The following SYCP1 variants were observed in gnomAD, a reference collection of about 807,000 sequenced individuals.
SYCP1 encodes the protein synaptonemal complex protein 1, also known as cancer/testis antigen 8.
A neutral mutation model predicts 153.1 loss-of-function variants in SYCP1; 64 were observed. The observed-to-expected ratio is 0.42, with a 90% confidence interval of 0.34 to 0.51. The LOEUF (loss-of-function observed/expected upper bound fraction) is 0.51, where lower values mean the gene tolerates loss of function less well. Ranked by LOEUF, SYCP1 falls within the 20% of genes least tolerant of loss-of-function variation. The pLI is 0.06. For synonymous variants in SYCP1, 384 were observed against 341.8 expected, an observed-to-expected ratio of 1.12 and a Z score of -1.36; for missense variants, 997 against 1,049.0, an observed-to-expected ratio of 0.95 and a Z score of 0.68.
At chr1:114,923,093 T>C (rs898908633) in intron 20 of SYCP1, among the ~76,000 whole-genome samples, 5 of 152,202 alleles carry the variant, frequency 3.3e-5, no homozygotes, top group African/African-American at 1.2e-4. Context: ...TTGCTTTGTA[T>C]TTTGATATTT....
At position 114,981,369 on chromosome 1, in the gene SYCP1, A is replaced by T. The variant is rs749005243; in HGVS notation, c.2416A>T (p.Ile806Phe). Residue 806 changes from isoleucine to phenylalanine, a missense_variant, in exon 29 of 32, where the codon ATT becomes TTT. Ile to Phe is a conservative substitution (Grantham distance 21). Around this residue, in one of 2 missense-constraint regions of SYCP1, gnomAD observed 712 missense variants for 682.9 expected, o/e 1.04. Coordinates refer to ENST00000369522, the MANE Select transcript of SYCP1 (RefSeq NM_003176.4). ...TQTFLLETPE[I>F]YWKLDSKAVP... is the part of the protein sequence containing the mutation. The stretch of plus-strand genomic sequence containing the variant: ...AACATTTTTATTGGAAACACCTGAA[A>T]TTTATTGGAAATTGGATTCTAAAGC... The T allele has an allele frequency of 1.9e-6, 3 of 1,600,316 alleles. No homozygotes were observed. The highest frequency in any genetic ancestry group is 2.6e-6 in the Non-Finnish European group (3 of 1,175,816).
chr1:114,977,802 C>A, intron 28 of SYCP1, 186 bp downstream of exon 28: 1 of 368,540 alleles, frequency 2.7e-6, no homozygotes, highest in Non-Finnish European at 4.9e-6. Context: ...AAAATTTTGT[C>A]ATTTGGAGAT....
At chr1:114,975,367 T>C (rs1320914067) in intron 27 of SYCP1, among the ~76,000 whole-genome samples, 1 of 151,390 alleles carries the variant, frequency 6.6e-6, no homozygotes, top group Admixed American at 6.6e-5. Context: ...TGTCTTACTT[T>C]GGTTGATTTG....
chr1:114,989,375 G>A (rs1673758120), intron 30 of SYCP1, among the ~76,000 whole-genome samples: 1 of 150,946 alleles, frequency 6.6e-6, no homozygotes, highest in Non-Finnish European at 1.5e-5. Context: ...AATGGAATCA[G>A]AATGTTCAAG....
Position 114,910,418 on chromosome 1 carries a change from T to A in SYCP1, c.1342T>A (p.Tyr448Asn), listed in dbSNP as rs1430064570. The change falls in exon 17 of 32, where the codon TAT becomes AAT. Residue 448 changes from tyrosine (Y) to asparagine (N), a missense_variant. Coordinates refer to ENST00000369522, the MANE Select transcript of SYCP1 (RefSeq NM_003176.4). ...KVLGEKETLL[Y>N]ENKQFEKIAE... ...ATAGGGAGAAAAGGAAACACTTTTATATGAAAATAAACAATTTGAGAAGAT... is the reference window on the plus strand; with the variant it reads ...ATAGGGAGAAAAGGAAACACTTTTAAATGAAAATAAACAATTTGAGAAGAT... 6.3e-7 allele frequency: 1 copy of A among 1,598,718 alleles called. No individual in the cohort carries two copies. The highest frequency in any genetic ancestry group is 1.7e-5 in the Admixed American group (1 of 57,926).
At chr1:114,935,380 C>T (rs542453762) in intron 23 of SYCP1, among the ~76,000 whole-genome samples, 1 of 152,258 alleles carries the variant, frequency 6.6e-6, no homozygotes, top group South Asian at 2.1e-4. Context: ...CACAACATAC[C>T]AGAATCTCTG....
rs141113696 is a variant in SYCP1 at position 114,877,996 on chromosome 1, G to C, written c.802-98G>C. Reference sequence around the variant, plus strand: ...GAGGGTTAAGTGGACCAGCTGAAAAGCATGTAGACAAGTACATAAAATAAT... The same window carrying C: ...GAGGGTTAAGTGGACCAGCTGAAAACCATGTAGACAAGTACATAAAATAAT... On this transcript the variant is annotated intron_variant, in intron 11 of 31. Coordinates refer to ENST00000369522, the MANE Select transcript of SYCP1 (RefSeq NM_003176.4). 31 of 715,026 alleles carry C rather than the reference G, an allele frequency of 4.3e-5. No homozygotes were observed. In the African/African-American group the frequency reaches 4.7e-4, roughly 11 times the overall value. The allele number at this position is 715,026 out of a possible 1,614,324, so 44.3% of individuals were successfully genotyped here. A position where few individuals can be genotyped will look rare whatever the true frequency, so the allele number is the denominator to read the frequency against.
chr1:114,907,968 C>G (rs1248789046), intron 16 of SYCP1, among the ~76,000 whole-genome samples: 1 of 152,018 alleles, frequency 6.6e-6, no homozygotes, highest in Non-Finnish European at 1.5e-5. Context: ...TTTTAAATAA[C>G]TTGAAGAAAA....
chr1:114,865,786 A>G (rs1664704661), intron 8 of SYCP1, among the ~76,000 whole-genome samples: 1 of 152,118 alleles, frequency 6.6e-6, no homozygotes, highest in African/African-American at 2.4e-5. Context: ...GTCCGCCATT[A>G]TAGTATAATA....
intron 23 of SYCP1, among the ~76,000 whole-genome samples, chr1:114,936,273 A>G (rs1051999838): frequency 6.6e-6 from 1 of 152,222 alleles, no homozygotes; most frequent in African/African-American, 2.4e-5. Flanking sequence ...AACGTAATCC[A>G]TCACATAAAC....
At chr1:114,928,432 T>C (rs1266659467) in intron 23 of SYCP1, among the ~76,000 whole-genome samples, 1 of 152,092 alleles carries the variant, frequency 6.6e-6, no homozygotes, top group Non-Finnish European at 1.5e-5. Context: ...GAATTCTGTA[T>C]GCAGCAAAAA....
chr1:114,871,561 TTTTGTTTG>T (rs770983391), intron 8 of SYCP1, among the ~76,000 whole-genome samples: 24 of 152,100 alleles, frequency 1.6e-4, no homozygotes, highest in Non-Finnish European at 3.2e-4. Flanking sequence ...GTTGCTATTT[TTTTGTTTG>T]TTTGTCTGTT....
At chr1:114,982,504 C>A (rs1406199469) in intron 29 of SYCP1, among the ~76,000 whole-genome samples, 1 of 151,628 alleles carries the variant, frequency 6.6e-6, no homozygotes, top group South Asian at 2.1e-4. Flanking sequence ...TTGAGCCCTT[C>A]TAGTAAATTT....
intron 25 of SYCP1, 95 bp downstream of exon 25, chr1:114,945,077 A>G: frequency 2.1e-6 from 2 of 939,518 alleles, no homozygotes; most frequent in South Asian, 3.6e-5. Flanking sequence ...TATTTGTCAG[A>G]GAAGATTATT....
chr1:114,945,786 AT>A (rs928804003), intron 25 of SYCP1, among the ~76,000 whole-genome samples: 2 of 109,444 alleles, frequency 1.8e-5, no homozygotes, highest in African/African-American at 5.5e-5. Context: ...TGATGTAATA[AT>A]TTTTTTATTA....
chr1:114,936,764 G>GACAAAC (rs1670040126), intron 23 of SYCP1, among the ~76,000 whole-genome samples: 1 of 149,168 alleles, frequency 6.7e-6, no homozygotes, highest in East Asian at 2.0e-4. Flanking sequence ...CAATAACGGA[G>GACAAAC]AGCCAAATCA....
chr1:114,943,421 A>G (rs1357243771), intron 23 of SYCP1, among the ~76,000 whole-genome samples: 1 of 151,936 alleles, frequency 6.6e-6, no homozygotes, highest in East Asian at 1.9e-4. Context: ...TGAAAATGAA[A>G]GAACTGTATT....
chr1:114,862,600 A>G (rs1261287966), intron 8 of SYCP1, among the ~76,000 whole-genome samples: 2 of 152,080 alleles, frequency 1.3e-5, no homozygotes, highest in African/African-American at 2.4e-5. Flanking sequence ...CGGCCTCCCA[A>G]AGTGCTGGGA....
chr1:114,881,056 T>TATACACACACACACAC (rs375436670), intron 12 of SYCP1, among the ~76,000 whole-genome samples: 17 of 145,044 alleles, frequency 1.2e-4, no homozygotes, highest in African/African-American at 2.6e-4. Flanking sequence ...TTTGTGTATA[T>TATACACACACACACAC]ACACACACAC....
Sources: allele counts gnomAD v4.1 joint callset (sites outside exome capture counted in the v4.1 genomes callset), GRCh38; gene constraint gnomAD v4.1.1; regional missense constraint gnomAD v4.1.1; transcripts MANE v1.5; gene names NCBI Gene and HGNC (gene_info 2026-07-23, HGNC 2026-07-21).